The following COP1 variants were observed in gnomAD, a reference collection of about 807,000 sequenced individuals.
COP1 encodes the protein COP1 E3 ubiquitin ligase.
COP1 carries 24 observed loss-of-function variants against 101.3 expected under a neutral mutation model. That is an observed-to-expected ratio of 0.24 (90% CI 0.17 to 0.33). COP1 has a LOEUF of 0.33. COP1 is among the 10% of genes least tolerant of loss of function. The pLI is 1.00. For synonymous variants in COP1, 347 were observed against 341.9 expected (o/e 1.01, Z -0.17); for missense variants, 663 against 906.2 (o/e 0.73, Z 3.45).
chr1:176,135,062 C>A lies in COP1; in HGVS notation c.916G>T (p.Val306Phe). ...TGAGGCACTGTGCTATCCTCACTGA[C>A]AGGAGAGTATAAGCCACTCATTTCC... ...VEEMSGLYSP[V>F]SEDSTVPQFE... is the part of the protein sequence containing the mutation. The change falls in exon 8 of 20, where the codon GTC becomes TTC. Residue 306 changes from valine to phenylalanine, a missense_variant. Physicochemically the swap from Val to Phe is conservative, Grantham distance 50. Around this residue, in one of 4 missense-constraint regions of COP1, gnomAD observed 212 missense variants for 240.7 expected, o/e 0.88. Transcript: ENST00000367669. The A allele has an allele frequency of 6.2e-7, 1 of 1,609,002 alleles. No homozygotes were observed. Among genetic ancestry groups the A allele is most frequent in the Non-Finnish European group, 8.5e-7 (1 of 1,176,040 alleles).
At chr1:176,199,457 G>T (rs961983042) in intron 1 of COP1, among the ~76,000 whole-genome samples, 1 of 152,104 alleles carries the variant, frequency 6.6e-6, no homozygotes, top group African/African-American at 2.4e-5. Flanking sequence ...ATGTGAAGAC[G>T]TGTCTGCACA....
intron 15 of COP1, among the ~76,000 whole-genome samples, chr1:176,025,169 T>A (rs11583071): frequency 0.034 from 5,105 of 152,188 alleles, 118 homozygotes; most frequent in Non-Finnish European, 0.047. Flanking sequence ...ATTTGAATAA[T>A]AAAATATTTT....
chr1:176,033,149 T>A (rs144006392), intron 14 of COP1, among the ~76,000 whole-genome samples: 3,815 of 152,232 alleles, frequency 0.025, 151 homozygotes, highest in African/African-American at 0.086. Context: ...CGGTGGCTCA[T>A]GCCTGTAATC....
intron 15 of COP1, among the ~76,000 whole-genome samples, chr1:175,993,444 C>A (rs1388671932): frequency 6.6e-6 from 1 of 152,152 alleles, no homozygotes; most frequent in Non-Finnish European, 1.5e-5. Flanking sequence ...TCAAACTACT[C>A]TGAGCTACAG....
intron 11 of COP1, among the ~76,000 whole-genome samples, chr1:176,078,732 T>C (rs953023763): frequency 2.0e-5 from 3 of 152,008 alleles, no homozygotes; most frequent in African/African-American, 4.8e-5. Context: ...GTGAAAGTAT[T>C]TGCAAACTAT....
intron 9 of COP1, among the ~76,000 whole-genome samples, chr1:176,090,839 GT>G (rs1458986502): frequency 1.1e-4 from 16 of 152,278 alleles, no homozygotes; most frequent in African/African-American, 3.8e-4. Context: ...TATTGGAAGA[GT>G]TGATGGCTGA....
At chr1:176,027,268 ATGT>A (rs1235399143) in intron 15 of COP1, among the ~76,000 whole-genome samples, 8 of 152,240 alleles carry the variant, frequency 5.3e-5, no homozygotes, top group African/African-American at 1.9e-4. Flanking sequence ...AATTGTTTAA[ATGT>A]TATTATGACC....
chr1:176,200,211 G>A (rs1700124663), intron 1 of COP1, among the ~76,000 whole-genome samples: 1 of 152,104 alleles, frequency 6.6e-6, no homozygotes. Context: ...AATAGTGCCT[G>A]GCAAATAGCA....
At chr1:176,074,670 C>T (rs1196837999) in intron 11 of COP1, among the ~76,000 whole-genome samples, 1 of 151,360 alleles carries the variant, frequency 6.6e-6, no homozygotes, top group East Asian at 2.0e-4. Flanking sequence ...ACATAAATGT[C>T]AGTATGATTA....
At chr1:176,186,533 C>T (rs1192216685) in intron 1 of COP1, among the ~76,000 whole-genome samples, 2 of 152,034 alleles carry the variant, frequency 1.3e-5, no homozygotes, top group East Asian at 1.9e-4. Context: ...GAGCAAGACC[C>T]TATCTCAAAA....
chr1:176,085,373 T>A (rs1377863331), intron 10 of COP1, among the ~76,000 whole-genome samples: 1 of 152,192 alleles, frequency 6.6e-6, no homozygotes, highest in Non-Finnish European at 1.5e-5. Flanking sequence ...TTGCTTTCCC[T>A]GACTCGATTT....
At chr1:176,175,336 T>G (rs914984603) in intron 3 of COP1, among the ~76,000 whole-genome samples, 3 of 152,224 alleles carry the variant, frequency 2.0e-5, no homozygotes, top group Non-Finnish European at 4.4e-5. Context: ...GTCTGTCATC[T>G]ACATCAGCAG....
At chr1:176,189,055 A>G (rs1416627018) in intron 1 of COP1, among the ~76,000 whole-genome samples, 1 of 152,190 alleles carries the variant, frequency 6.6e-6, no homozygotes, top group East Asian at 1.9e-4. Flanking sequence ...GATTTCAAAA[A>G]CAAGAAAATA....
intron 8 of COP1, among the ~76,000 whole-genome samples, chr1:176,131,017 T>C (rs575236536): frequency 1.3e-5 from 2 of 151,952 alleles, no homozygotes; most frequent in East Asian, 1.9e-4. Context: ...TCTTTGGGGA[T>C]AGTTACTTAA....
At chr1:176,183,870 AG>A (rs1698103998) in intron 2 of COP1, among the ~76,000 whole-genome samples, 1 of 152,190 alleles carries the variant, frequency 6.6e-6, no homozygotes, top group South Asian at 2.1e-4. Context: ...TACTTATTCG[AG>A]GTATCTAGAA....
chr1:175,965,794 G>C (rs1040301902), intron 18 of COP1, among the ~76,000 whole-genome samples: 1 of 152,160 alleles, frequency 6.6e-6, no homozygotes, highest in Admixed American at 6.5e-5. Flanking sequence ...ATGTTGGTCA[G>C]GCTGGTCTCG....
Position 176,023,950 on chromosome 1 carries a change from GAAAATAT to G in COP1, c.1729+3615_1729+3621del, listed in dbSNP as rs551117846. 2.6e-3 allele frequency among the ~76,000 whole-genome samples: 391 copies of G among 152,068 alleles called. 1 individual carries two copies. The highest frequency in any genetic ancestry group is 9.0e-3 in the African/African-American group (372 of 41,492). ...CAGTAGCTCTTTGCTGTCAAAGACA[GAAAATAT>G]CATCATAAGAAAACTACAGGCCGGG... On this transcript the variant is annotated intron_variant, in intron 15 of 19. Coordinates refer to ENST00000367669, the MANE Select transcript of COP1 (RefSeq NM_022457.7).
At chr1:176,163,927 T>C (rs890971168) in intron 3 of COP1, 36 bp from the exon 4 acceptor site, 1 of 1,415,378 alleles carries the variant, frequency 7.1e-7, no homozygotes, top group Admixed American at 1.8e-5. Flanking sequence ...CACACATAAT[T>C]TGTATTTTTG....
chr1:176,133,128 AC>A (rs1412727934), intron 8 of COP1, among the ~76,000 whole-genome samples: 5 of 149,178 alleles, frequency 3.4e-5, no homozygotes, highest in Admixed American at 2.0e-4. Flanking sequence ...TACTATATAT[AC>A]CCATACACAT....
Sources: gnomAD v4.1 joint callset for allele counts (sites outside exome capture counted in the v4.1 genomes callset) on GRCh38, gnomAD v4.1.1 for gene constraint, gnomAD v4.1.1 regional missense constraint, MANE v1.5 for transcripts, NCBI Gene and HGNC (gene_info 2026-07-23, HGNC 2026-07-21) for gene names.